CSMD1: variants seen among roughly 807,000 people sequenced by gnomAD.
The protein encoded by CSMD1 is CUB and sushi domain-containing protein 1.
Under a neutral mutation model 417.5 loss-of-function variants are expected in CSMD1, and 213 were observed. That is an observed-to-expected ratio of 0.51 (90% confidence interval 0.46 to 0.57). The LOEUF (loss-of-function observed/expected upper bound fraction) is 0.57. Among genes scored for constraint, CSMD1 ranks in the 20% least tolerant of loss-of-function variants. The pLI is 0.00. For synonymous variants in CSMD1, 2,862 were observed against 1,736.8 expected (o/e 1.65, Z -16.11); for missense variants, 6,923 against 4,529.7 (o/e 1.53, Z -15.17).
intron 12 of CSMD1, among the ~76,000 whole-genome samples, chr8:3,419,464 G>A (rs1333061182): frequency 6.6e-6 from 1 of 152,144 alleles, no homozygotes; most frequent in African/African-American, 2.4e-5. Flanking sequence ...ACACATATTT[G>A]TATTTTTAAA....
intron 1 of CSMD1, among the ~76,000 whole-genome samples, chr8:4,697,545 T>C (rs1310487643): frequency 6.6e-6 from 1 of 152,160 alleles, no homozygotes; most frequent in Admixed American, 6.5e-5. Context: ...AATTGGGGAA[T>C]GTCGACGATA....
intron 7 of CSMD1, among the ~76,000 whole-genome samples, chr8:3,659,658 G>T (rs762234729): frequency 6.6e-5 from 10 of 152,202 alleles, no homozygotes; most frequent in African/African-American, 1.2e-4. Flanking sequence ...CAGATAACAA[G>T]AAAATACTGC....
At chr8:4,033,724 T>C (rs980405908) in intron 3 of CSMD1, among the ~76,000 whole-genome samples, 2 of 152,240 alleles carry the variant, frequency 1.3e-5, no homozygotes, top group African/African-American at 4.8e-5. Context: ...ACTCTTTTCA[T>C]TGACAATTTC....
intron 33 of CSMD1, among the ~76,000 whole-genome samples, chr8:3,191,370 C>G (rs1408986628): frequency 1.3e-5 from 2 of 152,254 alleles, no homozygotes; most frequent in East Asian, 3.9e-4. Context: ...GCAGGATAAT[C>G]GCTTCACCCT....
chr8:3,764,648 C>T (rs1015893940), intron 5 of CSMD1, among the ~76,000 whole-genome samples: 20 of 151,892 alleles, frequency 1.3e-4, no homozygotes, highest in African/African-American at 4.1e-4. Context: ...ATGTGTCTGG[C>T]TAGACAGGGG....
At chr8:4,828,787 A>C (rs1189742868) in intron 1 of CSMD1, among the ~76,000 whole-genome samples, 1 of 152,132 alleles carries the variant, frequency 6.6e-6, no homozygotes, top group African/African-American at 2.4e-5. Flanking sequence ...CTTTACCCTT[A>C]AAATCAGATG....
intron 37 of CSMD1, 72 bp from the exon 38 acceptor site, chr8:3,162,349 T>G: frequency 2.2e-6 from 2 of 921,238 alleles, no homozygotes; most frequent in Non-Finnish European, 3.5e-6. Flanking sequence ...ATAACCAAAG[T>G]TTATTTCTAT....
intron 1 of CSMD1, among the ~76,000 whole-genome samples, chr8:4,818,732 C>G (rs1799350269): frequency 6.6e-6 from 1 of 152,152 alleles, no homozygotes; most frequent in African/African-American, 2.4e-5. Flanking sequence ...AGTGCAAATG[C>G]AAACATAACT....
intron 10 of CSMD1, among the ~76,000 whole-genome samples, chr8:3,495,701 A>G (rs1165470963): frequency 6.6e-6 from 1 of 152,188 alleles, no homozygotes. Flanking sequence ...CACATATACC[A>G]TCCTTTCAGA....
chr8:4,022,426 A>G (rs1796836171), intron 4 of CSMD1, among the ~76,000 whole-genome samples: 2 of 152,148 alleles, frequency 1.3e-5, no homozygotes, highest in Admixed American at 6.5e-5. Flanking sequence ...GTACTTAGCC[A>G]ATACATCCAT....
rs1554489439 is a variant in CSMD1 at position 4,468,062 on chromosome 8, C to CAAG, written c.303-47998_303-47997insCTT. On this transcript the variant is annotated intron_variant, in intron 2 of 69. Coordinates refer to ENST00000635120, the MANE Select transcript of CSMD1 (RefSeq NM_033225.6). ...TCAACAGGCCCTGCCTCCTGTCCGT[C>CAAG]CCTGTCTTCTGAAATTGATCTGCAC... 9.7e-3 allele frequency among the ~76,000 whole-genome samples: 1,476 copies of CAAG among 151,596 alleles called. 19 individuals carry two copies. The highest frequency in any genetic ancestry group is 0.032 in the African/African-American group (1,327 of 41,060).
At chr8:4,754,393 A>G (rs1363934178) in intron 1 of CSMD1, among the ~76,000 whole-genome samples, 2 of 151,956 alleles carry the variant, frequency 1.3e-5, no homozygotes, top group Admixed American at 6.5e-5. Context: ...ATTGATCTGT[A>G]GTGTCATATC....
intron 8 of CSMD1, 86 bp downstream of exon 8, chr8:3,616,624 A>T: frequency 1.2e-6 from 1 of 842,870 alleles, no homozygotes; most frequent in Non-Finnish European, 1.9e-6. Context: ...CCTCAAAAGA[A>T]CAAAAGAGTT....
chr8:4,457,041 G>C (rs1448705846), intron 2 of CSMD1, among the ~76,000 whole-genome samples: 1 of 151,042 alleles, frequency 6.6e-6, no homozygotes, highest in Non-Finnish European at 1.5e-5. Flanking sequence ...GATTCCTGGA[G>C]CATCTCAGAG....
At position 4,704,833 on chromosome 8, in the gene CSMD1, T is replaced by G. The variant is rs549518888; in HGVS notation, c.86-67275A>C. 3.9e-5 allele frequency among the ~76,000 whole-genome samples: 6 copies of G among 152,262 alleles called. No homozygotes were observed. The South Asian group carries it at 1.0e-3, about 26-fold the overall frequency. The stretch of plus-strand genomic sequence containing the variant: ...GCTTGGAAGTGCTTCCTACTGCATC[T>G]CTATGCTGATGGGGCAAAACACCCT... On this transcript the variant is annotated intron_variant, in intron 1 of 69. Transcript: ENST00000635120.
intron 40 of CSMD1, among the ~76,000 whole-genome samples, chr8:3,150,555 C>A (rs1454646694): frequency 1.3e-5 from 2 of 152,162 alleles, no homozygotes; most frequent in African/African-American, 4.8e-5. Flanking sequence ...TCTTCCAGGG[C>A]AGTTATTTCT....
chr8:3,993,160 A>G (rs1337257102), intron 5 of CSMD1, among the ~76,000 whole-genome samples: 3 of 152,216 alleles, frequency 2.0e-5, no homozygotes, highest in African/African-American at 7.2e-5. Context: ...GTTATGTAAG[A>G]TGTTCACATG....
intron 10 of CSMD1, among the ~76,000 whole-genome samples, chr8:3,543,344 T>G (rs2116721687): frequency 6.6e-6 from 1 of 152,328 alleles, no homozygotes; most frequent in East Asian, 1.9e-4. Flanking sequence ...CTGGGGATTT[T>G]GAGCAAACTA....
chr8:3,921,288 G>A (rs767149609), intron 5 of CSMD1, among the ~76,000 whole-genome samples: 2 of 151,900 alleles, frequency 1.3e-5, no homozygotes, highest in Non-Finnish European at 2.9e-5. Flanking sequence ...CTAATTTTGA[G>A]TCTTCTCTTT....
Sources: allele counts gnomAD v4.1 joint callset (sites outside exome capture counted in the v4.1 genomes callset), GRCh38; gene constraint gnomAD v4.1.1; transcripts MANE v1.5; gene names NCBI Gene and HGNC (gene_info 2026-07-23, HGNC 2026-07-21).